Variants in RBM33 observed in about 807,000 individuals in gnomAD.
RBM33 encodes RNA binding motif protein 33.
Under a neutral mutation model 132.6 loss-of-function variants are expected in RBM33, and 28 were observed. The ratio of observed to expected loss-of-function variants is 0.21; its 90% confidence interval spans 0.16 to 0.29. The LOEUF (loss-of-function observed/expected upper bound fraction) is 0.29. Ranked by LOEUF, RBM33 falls within the 10% of genes least tolerant of loss-of-function variation. RBM33 has a pLI of 1.00. For missense variants in RBM33, 1,291 were observed against 1,518.5 expected, an observed-to-expected ratio of 0.85 and a Z score of 2.49; for synonymous variants, 634 against 593.0, an observed-to-expected ratio of 1.07 and a Z score of -1.01.
chr7:155,725,549 T>C (rs527713509), intron 9 of RBM33, among the ~76,000 whole-genome samples: 1 of 152,124 alleles, frequency 6.6e-6, no homozygotes, highest in African/African-American at 2.4e-5. Flanking sequence ...CTACATAAAA[T>C]TGTGACCCTC....
At chr7:155,747,224 A>G (rs1229811866) in intron 14 of RBM33, among the ~76,000 whole-genome samples, 3 of 152,220 alleles carry the variant, frequency 2.0e-5, no homozygotes, top group African/African-American at 4.8e-5. Context: ...ATATTATATG[A>G]ATTTGTTACC....
intron 14 of RBM33, among the ~76,000 whole-genome samples, chr7:155,754,599 A>G (rs1008768685): frequency 6.6e-6 from 1 of 152,244 alleles, no homozygotes; most frequent in African/African-American, 2.4e-5. Context: ...ATCCTGGGGT[A>G]TGAGATCCCC....
intron 13 of RBM33, among the ~76,000 whole-genome samples, chr7:155,743,868 C>G (rs1388255840): frequency 6.6e-6 from 1 of 152,190 alleles, no homozygotes; most frequent in African/African-American, 2.4e-5. Flanking sequence ...TCCCCGATGC[C>G]CATGTCCCTT....
At chr7:155,699,657 C>T (rs1799903339) in intron 5 of RBM33, among the ~76,000 whole-genome samples, 1 of 152,126 alleles carries the variant, frequency 6.6e-6, no homozygotes, top group African/African-American at 2.4e-5. Context: ...CTGTCATCTC[C>T]TGCTGTTCAG....
intron 14 of RBM33, among the ~76,000 whole-genome samples, chr7:155,747,165 G>A (rs986889839): frequency 7.9e-5 from 12 of 152,102 alleles, no homozygotes; most frequent in Non-Finnish European, 1.3e-4. Flanking sequence ...ACATCTATTC[G>A]TTGTAATTAG....
intron 1 of RBM33, among the ~76,000 whole-genome samples, chr7:155,646,666 T>C (rs1189014795): frequency 6.6e-6 from 1 of 152,238 alleles, no homozygotes. Context: ...ATTCATTGTA[T>C]CTGAGGAATG....
intron 7 of RBM33, among the ~76,000 whole-genome samples, chr7:155,708,433 C>T: frequency 6.6e-6 from 1 of 152,184 alleles, no homozygotes; most frequent in East Asian, 1.9e-4. Flanking sequence ...CCAAACAACT[C>T]TCATACGAGG....
At position 155,766,595 on chromosome 7, in the gene RBM33, G is replaced by A; in HGVS notation, c.3315G>A (p.Leu1105=). Residue 1105 remains leucine (L), a synonymous_variant, in exon 16 of 18, where the codon CTG becomes CTA. Transcript: ENST00000401878. Reference sequence around the variant, plus strand: ...CCTGCGTGGTGTCTGTGGAGGGGCTGTCCTCGTCCACCACGGATGCCCAGC... The same window carrying A: ...CCTGCGTGGTGTCTGTGGAGGGGCTATCCTCGTCCACCACGGATGCCCAGC... ...PQPCVVSVEG[L]SSSTTDAQLK... is the part of the protein sequence containing the mutation. 6.2e-7 allele frequency: 1 copy of A among 1,612,736 alleles called. No homozygotes were observed. The highest frequency in any genetic ancestry group is 8.5e-7 in the Non-Finnish European group (1 of 1,179,424).
At chr7:155,673,765 C>CGCACGT (rs1799063638) in intron 3 of RBM33, among the ~76,000 whole-genome samples, 1 of 75,588 alleles carries the variant, frequency 1.3e-5, no homozygotes, top group African/African-American at 4.8e-5. Flanking sequence ...CGCGCGCATG[C>CGCACGT]GCGCACACAC....
intron 2 of RBM33, among the ~76,000 whole-genome samples, chr7:155,670,659 T>C (rs1275165784): frequency 6.6e-6 from 1 of 152,190 alleles, no homozygotes; most frequent in Non-Finnish European, 1.5e-5. Flanking sequence ...AGGGGTATTA[T>C]GTCAATGAAA....
In RBM33 at chr7:155,752,359, C is replaced by G. The variant is rs1201213542; in HGVS notation, c.2979+6757C>G. On this transcript the variant is annotated intron_variant, in intron 14 of 17. Transcript: ENST00000401878. ...AGGAAAATGGCTCATACAGATACTG[C>G]TTTTGTACTGTATTTTTTGAAATAG... is the stretch of plus-strand genomic sequence containing the variant. Among the ~76,000 whole-genome samples the G allele has an allele frequency of 2.6e-5, 4 of 152,202 alleles. No homozygotes were observed. The East Asian group carries it at 7.7e-4, about 29-fold the overall frequency.
At chr7:155,764,973 C>T (rs551046265) in intron 15 of RBM33, among the ~76,000 whole-genome samples, 13 of 152,302 alleles carry the variant, frequency 8.5e-5, no homozygotes, top group East Asian at 5.8e-4. Context: ...TCAGTGATAA[C>T]GCCAGTGTTA....
chr7:155,774,754 C>T lies in RBM33; in HGVS notation c.3464+107C>T. 1.0e-6 allele frequency: 1 copy of T among 973,030 alleles called. No individual in the cohort carries two copies. The highest frequency in any genetic ancestry group is 1.3e-5 in the South Asian group (1 of 75,390). The allele number at this position is 973,030 out of a possible 1,614,324, so 60.3% of individuals were successfully genotyped here. Reference sequence around the variant, plus strand: ...AGCAAGCGTGTGTCCCCACCTGTTCCTGTAGAAGGACACTAGGGCACAAAG... The same window carrying T: ...AGCAAGCGTGTGTCCCCACCTGTTCTTGTAGAAGGACACTAGGGCACAAAG... On this transcript the variant is annotated intron_variant, in intron 17 of 17. Transcript: ENST00000401878. The surrounding 1 kb of genome is among the most constrained non-coding windows in gnomAD (Gnocchi z 4.2).
intron 9 of RBM33, among the ~76,000 whole-genome samples, chr7:155,725,953 A>G (rs183609559): frequency 4.8e-4 from 73 of 152,320 alleles, no homozygotes; most frequent in South Asian, 1.0e-3. Context: ...ACCTGAAAGA[A>G]AAAGAAATCT....
intron 8 of RBM33, among the ~76,000 whole-genome samples, chr7:155,712,762 C>T (rs1800342835): frequency 6.6e-6 from 1 of 152,184 alleles, no homozygotes; most frequent in South Asian, 2.1e-4. Flanking sequence ...GTGGAGTGAT[C>T]AAAGCAGAGA....
chr7:155,670,947 A>G (rs1798928092), intron 2 of RBM33, among the ~76,000 whole-genome samples: 1 of 152,258 alleles, frequency 6.6e-6, no homozygotes, highest in Admixed American at 6.5e-5. Flanking sequence ...CTTGTCAGCA[A>G]GAGGCACAGA....
At chr7:155,736,341 C>T (rs1247568796) in intron 9 of RBM33, among the ~76,000 whole-genome samples, 1 of 152,208 alleles carries the variant, frequency 6.6e-6, no homozygotes, top group Admixed American at 6.5e-5. Context: ...GAAATATTGA[C>T]TCAGTTTCAA....
intron 6 of RBM33, among the ~76,000 whole-genome samples, chr7:155,702,861 TGA>T (rs1563151347): frequency 2.6e-5 from 4 of 152,246 alleles, no homozygotes; most frequent in Admixed American, 1.3e-4. Context: ...GCATAGTCAC[TGA>T]GAACTCCCCA....
chr7:155,677,204 C>T (rs967977780), intron 3 of RBM33, among the ~76,000 whole-genome samples: 1 of 140,532 alleles, frequency 7.1e-6, no homozygotes, highest in African/African-American at 2.7e-5. Context: ...CTAACGGAAA[C>T]TTCATTTTCT....
Sources: allele counts gnomAD v4.1 joint callset (sites outside exome capture counted in the v4.1 genomes callset), GRCh38; gene constraint gnomAD v4.1.1; non-coding constraint Gnocchi (gnomAD v3.1); transcripts MANE v1.5; gene names NCBI Gene and HGNC (gene_info 2026-07-23, HGNC 2026-07-21).